TBCK: variants seen among roughly 807,000 people sequenced by gnomAD.
TBCK encodes the protein TBC1 domain containing kinase.
Under a neutral mutation model 113.4 loss-of-function variants are expected in TBCK, and 99 were observed. That is an observed-to-expected ratio of 0.87 (90% CI 0.74 to 1.03). The LOEUF is 1.03. TBCK is among the 50% of genes least tolerant of loss of function. The probability of loss-of-function intolerance (pLI) is 0.00; values close to 1 mark genes in which losing one functional copy is unlikely to be tolerated. For synonymous variants in TBCK, 369 were observed against 370.8 expected (o/e 1.00, Z 0.05); for missense variants, 1,045 against 1,061.3 (o/e 0.98, Z 0.21).
intron 3 of TBCK, among the ~76,000 whole-genome samples, chr4:106,271,265 T>TGGATA (rs1763445051): frequency 1.3e-5 from 2 of 152,228 alleles, no homozygotes; most frequent in South Asian, 4.1e-4. Flanking sequence ...ATCCATATAA[T>TGGATA]CCCATAATGA....
At chr4:106,072,367 C>A (rs1436596511) in intron 25 of TBCK, among the ~76,000 whole-genome samples, 1 of 152,068 alleles carries the variant, frequency 6.6e-6, no homozygotes, top group African/African-American at 2.4e-5. Context: ...CTTAGTTTGG[C>A]TGGATATGAA....
chr4:106,224,561 A>G (rs1278747072), intron 19 of TBCK, among the ~76,000 whole-genome samples: 1 of 152,190 alleles, frequency 6.6e-6, no homozygotes, highest in Non-Finnish European at 1.5e-5. Flanking sequence ...ATAAAGAGAA[A>G]CACAGTAACA....
intron 25 of TBCK, among the ~76,000 whole-genome samples, chr4:106,049,834 CTAA>C (rs766583641): frequency 2.1e-4 from 32 of 152,080 alleles, no homozygotes; most frequent in African/African-American, 7.0e-4. Context: ...TTGTTGCAGA[CTAA>C]TAATAAGTAG....
At chr4:106,286,016 T>A (rs1035867409) in intron 3 of TBCK, among the ~76,000 whole-genome samples, 37 of 152,216 alleles carry the variant, frequency 2.4e-4, no homozygotes, top group African/African-American at 8.9e-4. Context: ...ATGGATCAGA[T>A]AACAACTTGG....
intron 23 of TBCK, among the ~76,000 whole-genome samples, chr4:106,152,440 G>A (rs1238218568): frequency 1.3e-5 from 2 of 151,970 alleles, no homozygotes; most frequent in Non-Finnish European, 2.9e-5. Context: ...AATCCCACTT[G>A]GTCATGATGA....
chr4:106,108,408 C>T (rs1422584909), intron 24 of TBCK, among the ~76,000 whole-genome samples: 3 of 152,194 alleles, frequency 2.0e-5, no homozygotes, highest in Non-Finnish European at 4.4e-5. Flanking sequence ...GCTGCTTCAC[C>T]ATGATCAAGT....
chr4:106,121,688 T>C (rs1466004822), intron 23 of TBCK, among the ~76,000 whole-genome samples: 2 of 152,114 alleles, frequency 1.3e-5, no homozygotes, highest in African/African-American at 4.8e-5. Context: ...CAGACCACAG[T>C]GCAATCAAAC....
chr4:106,247,259 T>G lies in TBCK; in HGVS notation c.811A>C (p.Lys271Gln). The change falls in exon 10 of 26, where the codon AAA becomes CAA. Residue 271 changes from lysine (K) to glutamine (Q), a missense_variant. Physicochemically the swap from Lys to Gln is moderately conservative, Grantham distance 53 (BLOSUM62 1). Coordinates refer to ENST00000394708, the MANE Select transcript of TBCK (RefSeq NM_001163435.3). ...RPTPDQLMKD[K>Q]VFSEVSPLYT... ...AAAGGTGATACCTCACTGAATACTT[T>G]GTCCTTCATTAATTGATCTGGGGTT... is the stretch of plus-strand genomic sequence containing the variant. The G allele has an allele frequency of 6.2e-7, 1 of 1,612,448 alleles. No individual in the cohort carries two copies. Among genetic ancestry groups the G allele is most frequent in the East Asian group, 2.2e-5 (1 of 44,826 alleles).
chr4:106,296,701 C>A (rs751160195), intron 2 of TBCK, among the ~76,000 whole-genome samples: 12 of 151,950 alleles, frequency 7.9e-5, no homozygotes, highest in Non-Finnish European at 1.5e-4. Context: ...TGAATATTAT[C>A]ATTTTCAGAT....
At chr4:106,256,390 G>A (rs73838178) in intron 5 of TBCK, among the ~76,000 whole-genome samples, 102 of 152,298 alleles carry the variant, frequency 6.7e-4, no homozygotes, top group African/African-American at 2.3e-3. Context: ...GTTGGTGTCC[G>A]AAGTCCACAG....
chr4:106,056,437 C>T (rs546333656), intron 25 of TBCK, among the ~76,000 whole-genome samples: 1 of 151,402 alleles, frequency 6.6e-6, no homozygotes, highest in South Asian at 2.1e-4. Context: ...GTATCTCTCT[C>T]TCTCTTTATA....
chr4:106,146,183 GTACATATACATATACATGTAATACATA>G (rs962917617), intron 23 of TBCK, among the ~76,000 whole-genome samples: 39 of 151,950 alleles, frequency 2.6e-4, no homozygotes, highest in Admixed American at 6.6e-4. Context: ...AGAAAATGTG[GTACATATACATATACATGTAATACATA>G]TACATATACA....
chr4:106,253,180 A>G (rs1234411346), intron 5 of TBCK, among the ~76,000 whole-genome samples: 1 of 151,984 alleles, frequency 6.6e-6, no homozygotes, highest in African/African-American at 2.4e-5. Flanking sequence ...CCATGTTTGT[A>G]TCCCTAAAAA....
At chr4:106,175,576 A>T (rs1006562327) in intron 22 of TBCK, among the ~76,000 whole-genome samples, 1 of 152,028 alleles carries the variant, frequency 6.6e-6, no homozygotes, top group Non-Finnish European at 1.5e-5. Flanking sequence ...AACTATATAC[A>T]TTCACTCACT....
chr4:106,069,138 CTTTAG>C (rs1737044925), intron 25 of TBCK, among the ~76,000 whole-genome samples: 1 of 152,170 alleles, frequency 6.6e-6, no homozygotes, highest in African/African-American at 2.4e-5. Context: ...TGCAGAAGCT[CTTTAG>C]TTTAATTAGA....
chr4:106,229,250 ATG>A (rs1373190993), intron 19 of TBCK, among the ~76,000 whole-genome samples: 1 of 151,838 alleles, frequency 6.6e-6, no homozygotes, highest in Non-Finnish European at 1.5e-5. Context: ...TTTTAACTTG[ATG>A]TGATCTCATT....
intron 24 of TBCK, among the ~76,000 whole-genome samples, chr4:106,104,340 T>G (rs28805707): frequency 0.29 from 44,193 of 152,132 alleles, 6,548 homozygotes; most frequent in South Asian, 0.42. Flanking sequence ...CCCAGGGAGA[T>G]GGGTGGGTTG....
At chr4:106,167,089 GGTGT>G (rs145150009) in intron 23 of TBCK, among the ~76,000 whole-genome samples, 1 of 146,452 alleles carries the variant, frequency 6.8e-6, no homozygotes, top group African/African-American at 2.5e-5. Context: ...TATATATAGG[GGTGT>G]GTGTGTGTGT....
At chr4:106,177,416 G>C (rs780141773) in intron 22 of TBCK, among the ~76,000 whole-genome samples, 32 of 151,790 alleles carry the variant, frequency 2.1e-4, no homozygotes, top group Non-Finnish European at 4.3e-4. Flanking sequence ...TTGCCTAGTA[G>C]ATCAATGTTG....
Sources: allele counts gnomAD v4.1 joint callset (sites outside exome capture counted in the v4.1 genomes callset), GRCh38; gene constraint gnomAD v4.1.1; transcripts MANE v1.5; gene names NCBI Gene and HGNC (gene_info 2026-07-23, HGNC 2026-07-21).